ANGPT1: variants seen among roughly 807,000 people sequenced by gnomAD.
ANGPT1 encodes the protein angiopoietin-1.
ANGPT1 carries 17 observed loss-of-function variants against 62.2 expected under a neutral mutation model. The observed-to-expected ratio is 0.27, with a 90% CI of 0.19 to 0.41. ANGPT1 has a LOEUF of 0.41. Ranked by LOEUF, ANGPT1 falls within the 10% of genes least tolerant of loss-of-function variation. ANGPT1 has a pLI of 1.00. For missense variants in ANGPT1, 478 were observed against 594.9 expected, an observed-to-expected ratio of 0.80 and a Z score of 2.04; for synonymous variants, 199 against 198.9, an observed-to-expected ratio of 1.00 and a Z score of 0.00.
At chr8:107,435,215 C>T (rs1022537860) in intron 1 of ANGPT1, among the ~76,000 whole-genome samples, 2 of 152,060 alleles carry the variant, frequency 1.3e-5, no homozygotes, top group African/African-American at 4.8e-5. Flanking sequence ...TAAAAGTCAT[C>T]GGACTGTACA....
rs1166890544 is a variant in ANGPT1 at position 107,374,875 on chromosome 8, A to C, written c.298-27778T>G. On this transcript the variant is annotated intron_variant, in intron 1 of 8. Transcript: ENST00000517746. ...TAGCTAGGGAGATAAGAAATGCTTA[A>C]ATCTGGCCAGGCGCGGTGGCTCACG... Among the ~76,000 whole-genome samples, 4 of 152,180 alleles carry C rather than the reference A, an allele frequency of 2.6e-5. No individual in the cohort carries two copies. The East Asian group carries it at 5.8e-4, about 22-fold the overall frequency.
At chr8:107,253,621 C>G (rs1266569660) in intron 8 of ANGPT1, among the ~76,000 whole-genome samples, 1 of 152,114 alleles carries the variant, frequency 6.6e-6, no homozygotes, top group East Asian at 1.9e-4. Context: ...TTGAGACTGA[C>G]AATGATTCAT....
chr8:107,252,028 T>C lies in ANGPT1; in HGVS notation c.1337-13A>G. 1 of 1,611,222 alleles carries C rather than the reference T, an allele frequency of 6.2e-7. No individual in the cohort carries two copies. On this transcript the variant is annotated splice_polypyrimidine_tract_variant and intron_variant, in intron 8 of 8. Coordinates refer to ENST00000517746, the MANE Select transcript of ANGPT1 (RefSeq NM_001146.5). ...TCAAACCACCATCCTGAAAAAATAA[T>C]TCATAATAGAAGAGAGAAGGAGAGG...
chr8:107,331,234 G>C (rs1815413011), intron 3 of ANGPT1, among the ~76,000 whole-genome samples: 1 of 152,076 alleles, frequency 6.6e-6, no homozygotes, highest in Non-Finnish European at 1.5e-5. Context: ...TCTTGAAGTT[G>C]CACATGTTTC....
At chr8:107,283,792 C>T (rs1814072668) in intron 7 of ANGPT1, among the ~76,000 whole-genome samples, 1 of 152,104 alleles carries the variant, frequency 6.6e-6, no homozygotes, top group African/African-American at 2.4e-5. Flanking sequence ...TAAAGACCTG[C>T]TAGGCATCAA....
rs143692568 is a variant in ANGPT1 at position 107,427,735 on chromosome 8, G to A, written c.297+69527C>T. On this transcript the variant is annotated intron_variant, in intron 1 of 8. Transcript: ENST00000517746. ...GTGGATTGTTTTAGACTGTCTCTCA[G>A]TATAGTCCCCAGGTAAGACCTGGGT... Among the ~76,000 whole-genome samples, 299 of 152,346 alleles carry A rather than the reference G, an allele frequency of 2.0e-3. 1 individual carries two copies. Among genetic ancestry groups the A allele is most frequent in the Non-Finnish European group, 3.7e-3 (253 of 68,024 alleles).
At chr8:107,441,499 G>A (rs1422148159) in intron 1 of ANGPT1, among the ~76,000 whole-genome samples, 2 of 152,072 alleles carry the variant, frequency 1.3e-5, no homozygotes, top group Admixed American at 1.3e-4. Flanking sequence ...TGTTCACTTA[G>A]GACTTTCTAT....
intron 1 of ANGPT1, among the ~76,000 whole-genome samples, chr8:107,362,708 A>G (rs1005221566): frequency 1.3e-5 from 2 of 152,200 alleles, no homozygotes; most frequent in Non-Finnish European, 1.5e-5. Context: ...TGTTATATTA[A>G]AAAGTCTAAT....
rs1815552304 is a variant in ANGPT1 at position 107,336,134 on chromosome 8, A to G, written c.575+16T>C. The G allele has an allele frequency of 1.9e-6, 3 of 1,587,756 alleles. No individual in the cohort carries two copies. The highest frequency in any genetic ancestry group is 1.2e-5 in the South Asian group (1 of 85,822). On this transcript the variant is annotated intron_variant, in intron 3 of 8. Coordinates refer to ENST00000517746, the MANE Select transcript of ANGPT1 (RefSeq NM_001146.5). ...AAGTACACACAGAAACATTTTTGGA[A>G]TAAAGCAATCCTCACCTGTTTTTTT...
chr8:107,407,725 C>A (rs1817178434), intron 1 of ANGPT1, among the ~76,000 whole-genome samples: 1 of 152,174 alleles, frequency 6.6e-6, no homozygotes, highest in South Asian at 2.1e-4. Context: ...TCTTTCCTCT[C>A]CCTCCTACTC....
intron 8 of ANGPT1, among the ~76,000 whole-genome samples, chr8:107,257,790 G>C (rs185980639): frequency 1.1e-3 from 170 of 151,972 alleles, no homozygotes; most frequent in African/African-American, 3.1e-3. Flanking sequence ...CATGGGTCTT[G>C]CATGCAGGAG....
At chr8:107,429,648 GAAAA>G (rs34291237) in intron 1 of ANGPT1, among the ~76,000 whole-genome samples, 192 of 119,102 alleles carry the variant, frequency 1.6e-3, no homozygotes, top group South Asian at 7.7e-3. Flanking sequence ...GCTCCAGGAG[GAAAA>G]AAAAAAAAAA....
chr8:107,252,028 T>A lies in ANGPT1; in HGVS notation c.1337-13A>T. On this transcript the variant is annotated splice_polypyrimidine_tract_variant and intron_variant, in intron 8 of 8. Transcript: ENST00000517746. ...TCAAACCACCATCCTGAAAAAATAA[T>A]TCATAATAGAAGAGAGAAGGAGAGG... 6.2e-7 allele frequency: 1 copy of A among 1,611,222 alleles called. No individual in the cohort carries two copies. The highest frequency in any genetic ancestry group is 8.5e-7 in the Non-Finnish European group (1 of 1,178,546).
chr8:107,289,227 C>A (rs1814215240), intron 6 of ANGPT1, among the ~76,000 whole-genome samples: 1 of 152,016 alleles, frequency 6.6e-6, no homozygotes, highest in Admixed American at 6.6e-5. Flanking sequence ...TAAAATTGGC[C>A]TTAAAAGGCA....
chr8:107,397,750 T>G lies in ANGPT1; in HGVS notation c.298-50653A>C, dbSNP rs146997627. 7.2e-3 allele frequency among the ~76,000 whole-genome samples: 1,100 copies of G among 152,162 alleles called. 13 individuals are homozygous for G. The highest frequency in any genetic ancestry group is 0.024 in the African/African-American group (998 of 41,510). ...CATTTGCTTCCATTTTTCTTACCCC[T>G]TTTCAGTCCTATAATCTTGCACTGG... On this transcript the variant is annotated intron_variant, in intron 1 of 8. Transcript: ENST00000517746.
intron 6 of ANGPT1, among the ~76,000 whole-genome samples, chr8:107,285,786 T>C (rs920719975): frequency 2.0e-5 from 3 of 152,028 alleles, no homozygotes; most frequent in East Asian, 3.9e-4. Flanking sequence ...AAAATACTCA[T>C]TGGCAGTGCT....
chr8:107,487,650 G>A (rs1490746619), intron 1 of ANGPT1, among the ~76,000 whole-genome samples: 1 of 152,096 alleles, frequency 6.6e-6, no homozygotes, highest in East Asian at 1.9e-4. Context: ...ATATAGCACA[G>A]CTTCAGTGTA....
At chr8:107,439,982 C>T (rs143608292) in intron 1 of ANGPT1, among the ~76,000 whole-genome samples, 188 of 152,210 alleles carry the variant, frequency 1.2e-3, no homozygotes, top group African/African-American at 4.3e-3. Flanking sequence ...GTATCTGCCT[C>T]GGAAACCATG....
chr8:107,331,182 T>C (rs1471932972), intron 3 of ANGPT1, among the ~76,000 whole-genome samples: 1 of 152,150 alleles, frequency 6.6e-6, no homozygotes. Context: ...TAAATATCAA[T>C]ACTGTATTTT....
Sources: gnomAD v4.1 joint callset for allele counts (sites outside exome capture counted in the v4.1 genomes callset) on GRCh38, gnomAD v4.1.1 for gene constraint, MANE v1.5 for transcripts, NCBI Gene and HGNC (gene_info 2026-07-23, HGNC 2026-07-21) for gene names.